The following GABRB2 variants were observed in gnomAD, a reference collection of about 807,000 sequenced individuals.
GABRB2 encodes gamma-aminobutyric acid type A receptor subunit beta2.
A neutral mutation model predicts 54.7 loss-of-function variants in GABRB2; 16 were observed. That is an observed-to-expected ratio of 0.29 (90% confidence interval 0.20 to 0.44). The LOEUF is 0.44. Among genes scored for constraint, GABRB2 ranks in the 20% least tolerant of loss-of-function variants. GABRB2 has a pLI of 1.00. For synonymous variants in GABRB2, 244 were observed against 233.8 expected (o/e 1.04, Z -0.40); for missense variants, 355 against 644.0 (o/e 0.55, Z 4.86).
At chr5:161,354,367 G>T (rs1754556941) in intron 5 of GABRB2, among the ~76,000 whole-genome samples, 3 of 151,898 alleles carry the variant, frequency 2.0e-5, no homozygotes. Context: ...TAGATATGGG[G>T]TATCCTGGGA....
intron 3 of GABRB2, among the ~76,000 whole-genome samples, chr5:161,504,795 T>TAA (rs397737798): frequency 1.4e-5 from 2 of 140,910 alleles, no homozygotes; most frequent in East Asian, 2.0e-4. Flanking sequence ...CGAAAGGAAT[T>TAA]AAAAAAAAAA....
At chr5:161,468,741 T>TA (rs1758350904) in intron 3 of GABRB2, among the ~76,000 whole-genome samples, 1 of 151,502 alleles carries the variant, frequency 6.6e-6, no homozygotes, top group African/African-American at 2.4e-5. Flanking sequence ...ATAGTAGCAA[T>TA]AAAAAACCCC....
At chr5:161,545,813 C>T (rs765390073) in intron 2 of GABRB2, among the ~76,000 whole-genome samples, 8 of 152,152 alleles carry the variant, frequency 5.3e-5, no homozygotes, top group Non-Finnish European at 1.2e-4. Context: ...CCTCCCATCC[C>T]CCAGTCCTCC....
chr5:161,394,873 T>C (rs958393369), intron 5 of GABRB2, among the ~76,000 whole-genome samples: 1 of 152,050 alleles, frequency 6.6e-6, no homozygotes, highest in Non-Finnish European at 1.5e-5. Flanking sequence ...ATAACTCTAA[T>C]ATCAGTCCTA....
In GABRB2 at chr5:161,384,774, C is replaced by T. The variant is rs575124084; in HGVS notation, c.541+26201G>A. Among the ~76,000 whole-genome samples, 20 of 152,258 alleles carry T rather than the reference C, an allele frequency of 1.3e-4. No homozygotes were observed. In the South Asian group the frequency reaches 3.9e-3, roughly 30 times the overall value. ...TACTTACTCTAAGGCAGGGCTTGTA[C>T]TAGGTGAACCCAACAGATGAAATGC... On this transcript the variant is annotated intron_variant, in intron 5 of 9. Coordinates refer to ENST00000393959, the MANE Select transcript of GABRB2 (RefSeq NM_001371727.1).
chr5:161,325,158 T>C (rs544652217), intron 9 of GABRB2, among the ~76,000 whole-genome samples: 5 of 152,210 alleles, frequency 3.3e-5, no homozygotes, highest in South Asian at 2.1e-4. Context: ...TAATTAACAA[T>C]TGACCCAGAA....
At chr5:161,351,980 C>T (rs770838047) in intron 5 of GABRB2, among the ~76,000 whole-genome samples, 104 of 151,912 alleles carry the variant, frequency 6.8e-4, no homozygotes, top group African/African-American at 2.0e-3. Context: ...ATCAGAGAAA[C>T]GCAAATTAAA....
At chr5:161,338,117 A>T (rs1450487970) in intron 5 of GABRB2, among the ~76,000 whole-genome samples, 4 of 151,742 alleles carry the variant, frequency 2.6e-5, no homozygotes, top group East Asian at 1.9e-4. Flanking sequence ...GTAGAAACAA[A>T]TTTTTTTTTC....
At chr5:161,461,371 A>G (rs1758113670) in intron 3 of GABRB2, among the ~76,000 whole-genome samples, 2 of 152,164 alleles carry the variant, frequency 1.3e-5, no homozygotes, top group East Asian at 3.9e-4. Flanking sequence ...TAATGTGAGC[A>G]TTGCTCTTGG....
intron 5 of GABRB2, among the ~76,000 whole-genome samples, chr5:161,368,115 T>TCACACACACACACACA (rs1561624761): frequency 2.8e-5 from 1 of 36,164 alleles, no homozygotes; most frequent in African/African-American, 9.7e-5. Flanking sequence ...TCTCCCTCTC[T>TCACACACACACACACA]GACACACACA....
intron 9 of GABRB2, among the ~76,000 whole-genome samples, chr5:161,305,052 C>T (rs1353672138): frequency 1.4e-5 from 2 of 140,420 alleles, no homozygotes; most frequent in Non-Finnish European, 3.0e-5. Context: ...CTCTGTCGCC[C>T]AGGCCGGACT....
intron 4 of GABRB2, among the ~76,000 whole-genome samples, chr5:161,415,416 C>T (rs2962425): frequency 0.66 from 100,038 of 151,972 alleles, 34,005 homozygotes; most frequent in South Asian, 0.76. Flanking sequence ...TGAATTGTAT[C>T]GTAAAATATT....
intron 3 of GABRB2, among the ~76,000 whole-genome samples, chr5:161,516,272 C>G (rs1276198977): frequency 6.6e-6 from 1 of 152,134 alleles, no homozygotes; most frequent in Non-Finnish European, 1.5e-5. Flanking sequence ...GTAGTACATA[C>G]CTGAAAGAAA....
intron 3 of GABRB2, among the ~76,000 whole-genome samples, chr5:161,539,866 G>T (rs1050483607): frequency 2.0e-5 from 3 of 152,168 alleles, no homozygotes; most frequent in African/African-American, 7.2e-5. Flanking sequence ...ATAGCATCAT[G>T]TTAAAAATGT....
At chr5:161,392,767 G>A (rs772223030) in intron 5 of GABRB2, among the ~76,000 whole-genome samples, 1 of 152,120 alleles carries the variant, frequency 6.6e-6, no homozygotes, top group Non-Finnish European at 1.5e-5. Flanking sequence ...AGAAACAGCT[G>A]TTTTTGAATA....
At chr5:161,481,816 C>A (rs185444075) in intron 3 of GABRB2, among the ~76,000 whole-genome samples, 94 of 152,058 alleles carry the variant, frequency 6.2e-4, no homozygotes, top group African/African-American at 2.1e-3. Context: ...AATTCATAGT[C>A]TGGAACTAGA....
intron 4 of GABRB2, among the ~76,000 whole-genome samples, chr5:161,447,919 T>C (rs779423135): frequency 6.6e-5 from 10 of 152,164 alleles, no homozygotes; most frequent in Non-Finnish European, 1.2e-4. Context: ...GGATCCTTCC[T>C]AATATTCTGG....
At chr5:161,391,860 A>ATCTAAGAAGGGACTGAC (rs1366278457) in intron 5 of GABRB2, among the ~76,000 whole-genome samples, 2 of 152,158 alleles carry the variant, frequency 1.3e-5, no homozygotes, top group Admixed American at 6.5e-5. Flanking sequence ...GCATTCACTG[A>ATCTAAGAAGGGACTGAC]TCTAAGAAGG....
chr5:161,301,314 G>A (rs549499023), intron 9 of GABRB2, among the ~76,000 whole-genome samples: 1 of 152,168 alleles, frequency 6.6e-6, no homozygotes, highest in African/African-American at 2.4e-5. Flanking sequence ...CCTTAAAATC[G>A]AGTTTCCACA....
Sources: allele counts gnomAD v4.1 joint callset (sites outside exome capture counted in the v4.1 genomes callset), GRCh38; gene constraint gnomAD v4.1.1; transcripts MANE v1.5; gene names NCBI Gene and HGNC (gene_info 2026-07-23, HGNC 2026-07-21).